The following CCDC88A variants were observed in gnomAD, a reference collection of about 807,000 sequenced individuals.
CCDC88A encodes coiled-coil and HOOK domain protein 88A.
In CCDC88A, 54 loss-of-function variants were observed where a neutral mutation model predicts 234.3. That is an observed-to-expected ratio of 0.23 (90% confidence interval 0.19 to 0.29). The LOEUF (loss-of-function observed/expected upper bound fraction) is 0.29. CCDC88A is among the 10% of genes least tolerant of loss of function. The pLI, the probability that CCDC88A is intolerant of heterozygous loss-of-function variation, is 1.00. For synonymous variants in CCDC88A, 753 were observed against 737.8 expected (o/e 1.02, Z -0.33); for missense variants, 1,832 against 2,123.4 (o/e 0.86, Z 2.70).
At chr2:55,368,314 T>C (rs534887540) in intron 5 of CCDC88A, among the ~76,000 whole-genome samples, 2 of 152,314 alleles carry the variant, frequency 1.3e-5, no homozygotes, top group African/African-American at 4.8e-5. Context: ...TCATAATTTA[T>C]TTTGTCAGGT....
intron 2 of CCDC88A, among the ~76,000 whole-genome samples, chr2:55,392,284 G>GT (rs988727004): frequency 5.3e-5 from 8 of 152,100 alleles, no homozygotes; most frequent in African/African-American, 1.7e-4. Flanking sequence ...TGACTAAATT[G>GT]TTTTTTTCAA....
chr2:55,313,268 A>C (rs1309306850), intron 22 of CCDC88A: 2 of 152,190 alleles, frequency 1.3e-5, no homozygotes, highest in African/African-American at 4.8e-5. Context: ...GGGTTTCTCC[A>C]TGTTGGTCAG....
chr2:55,369,787 C>G (rs1672558055), intron 5 of CCDC88A, among the ~76,000 whole-genome samples: 1 of 152,052 alleles, frequency 6.6e-6, no homozygotes, highest in Admixed American at 6.6e-5. Context: ...CAAATATTAC[C>G]TTGTCAGAGG....
intron 5 of CCDC88A, among the ~76,000 whole-genome samples, chr2:55,369,975 C>T (rs1288426200): frequency 1.3e-5 from 2 of 152,108 alleles, no homozygotes; most frequent in African/African-American, 2.4e-5. Flanking sequence ...TTTACTATAG[C>T]ACCCATAAAC....
rs553865493 is a variant in CCDC88A at position 55,392,627 on chromosome 2, T to C, written c.165-3741A>G. Among the ~76,000 whole-genome samples the C allele has an allele frequency of 1.0e-4, 16 of 152,388 alleles. 1 individual carries two copies. The highest frequency in any genetic ancestry group is 3.1e-4 in the African/African-American group (13 of 41,602). ...ATTTGCTGATAGGTTAATGCTGATA[T>C]GTGAATGCTATCATTTTTTGTTTAC... On this transcript the variant is annotated intron_variant, in intron 2 of 32. Transcript: ENST00000436346.
intron 22 of CCDC88A, chr2:55,312,953 A>T: frequency 5.9e-6 from 1 of 168,500 alleles, no homozygotes; most frequent in Non-Finnish European, 1.3e-5. Flanking sequence ...AGATCTATGA[A>T]ATGAGGATAG....
At chr2:55,363,870 T>A (rs1671627220) in intron 6 of CCDC88A, 80 bp downstream of exon 6, 2 of 692,488 alleles carry the variant, frequency 2.9e-6, no homozygotes, top group Non-Finnish European at 2.4e-6. Context: ...TTCTATGACT[T>A]TGAAGTATTT....
At chr2:55,401,946 ATACTT>A (rs1283245157) in intron 2 of CCDC88A, among the ~76,000 whole-genome samples, 1 of 152,154 alleles carries the variant, frequency 6.6e-6, no homozygotes, top group Non-Finnish European at 1.5e-5. Flanking sequence ...TACTATACAT[ATACTT>A]TACTTTGGTT....
At position 55,334,947 on chromosome 2, in the gene CCDC88A, T is replaced by A; in HGVS notation, c.1874A>T (p.Glu625Val). 1 of 1,559,280 alleles carries A rather than the reference T, an allele frequency of 6.4e-7. No homozygotes were observed. Among genetic ancestry groups the A allele is most frequent in the South Asian group, 1.2e-5 (1 of 84,564 alleles). The stretch of plus-strand genomic sequence containing the variant: ...TTCATTTTCAAGTTCTTCAGCTCGT[T>A]CTCCTTTTTCTTTATAATGTTCCAA... ...KELEHYKEKG[E>V]RAEELENELH... Residue 625 changes from glutamate (E) to valine (V), a missense_variant, in exon 15 of 33, where the codon GAA becomes GTA. By Grantham distance (121) the Glu-to-Val change is moderately radical. Around this residue, in one of 6 missense-constraint regions of CCDC88A, gnomAD observed 1,282 missense variants for 1,543.6 expected, o/e 0.83. Coordinates refer to ENST00000436346, the MANE Select transcript of CCDC88A (RefSeq NM_001365480.1). The surrounding 1 kb of genome is among the most constrained non-coding windows in gnomAD (Gnocchi z 6.1).
intron 2 of CCDC88A, among the ~76,000 whole-genome samples, chr2:55,411,637 G>C (rs1260175250): frequency 6.6e-6 from 1 of 151,876 alleles, no homozygotes; most frequent in Admixed American, 6.6e-5. Context: ...AACTTCACCA[G>C]GCACGGTGGT....
At chr2:55,301,763 T>G in intron 27 of CCDC88A, 109 bp downstream of exon 27, 1 of 878,186 alleles carries the variant, frequency 1.1e-6, no homozygotes, top group Non-Finnish European at 1.8e-6. Flanking sequence ...GATCATGTTT[T>G]GATAATTATT....
In CCDC88A at chr2:55,317,480, G is replaced by A; in HGVS notation, c.3602+84C>T. ...AAATTTCTTATGTAAACTAACATTA[G>A]ATGTGTTTAATATATAAAATTTATT... On this transcript the variant is annotated intron_variant, in intron 20 of 32. Coordinates refer to ENST00000436346, the MANE Select transcript of CCDC88A (RefSeq NM_001365480.1). This position sits in a 1 kb window ranked among gnomAD's most constrained non-coding sequence, Gnocchi z 4.2. The A allele has an allele frequency of 8.8e-7, 1 of 1,135,754 alleles. No homozygotes were observed. The highest frequency in any genetic ancestry group is 2.6e-5 in the Admixed American group (1 of 38,702). 70.4% of individuals were successfully genotyped at this position (1,135,754 alleles called of 1,614,324 possible). A position where few individuals can be genotyped will look rare whatever the true frequency, so the allele number is the denominator to read the frequency against.
chr2:55,371,314 T>C (rs1331334098), intron 5 of CCDC88A, among the ~76,000 whole-genome samples: 1 of 152,150 alleles, frequency 6.6e-6, no homozygotes, highest in Non-Finnish European at 1.5e-5. Context: ...ATAACATATA[T>C]TATGTAAGAT....
At chr2:55,346,050 T>C (rs1324319032) in intron 10 of CCDC88A, 125 bp downstream of exon 10, 25 of 632,606 alleles carry the variant, frequency 4.0e-5, no homozygotes, top group Non-Finnish European at 6.2e-5. Flanking sequence ...AAAATAAACA[T>C]ACCCAAATGT....
chr2:55,390,597 C>T (rs1432134899), intron 2 of CCDC88A, among the ~76,000 whole-genome samples: 1 of 152,156 alleles, frequency 6.6e-6, no homozygotes, highest in Non-Finnish European at 1.5e-5. Context: ...GAAAACTGGA[C>T]AAAGCATGAA....
In CCDC88A at chr2:55,332,538, C is replaced by A; in HGVS notation, c.2855+28G>T. ...AGCAAAAAAAAAAAAAAATTTTCAA[C>A]TGTTTGCCAAGTAGACTTAGTACTC... On this transcript the variant is annotated intron_variant, in intron 16 of 32. Coordinates refer to ENST00000436346, the MANE Select transcript of CCDC88A (RefSeq NM_001365480.1). This position sits in a 1 kb window ranked among gnomAD's most constrained non-coding sequence, Gnocchi z 4.5. The A allele has an allele frequency of 2.5e-6, 4 of 1,569,588 alleles. No individual in the cohort carries two copies. The highest frequency in any genetic ancestry group is 4.6e-5 in the East Asian group (2 of 43,536).
In CCDC88A at chr2:55,384,532, C is replaced by T. The variant is rs13000551; in HGVS notation, c.273+4246G>A. The stretch of plus-strand genomic sequence containing the variant: ...ATTATATATAAATTATATATATATA[C>T]ATATATACGTATATATGTGTATATA... On this transcript the variant is annotated intron_variant, in intron 3 of 32. Coordinates refer to ENST00000436346, the MANE Select transcript of CCDC88A (RefSeq NM_001365480.1). Among the ~76,000 whole-genome samples, 24 of 33,962 alleles carry T rather than the reference C, an allele frequency of 7.1e-4. 6 individuals are homozygous for T. The highest frequency in any genetic ancestry group is 1.1e-3 in the Non-Finnish European group (15 of 13,744). 22.3% of individuals were successfully genotyped at this position (33,962 alleles called of 152,430 possible).
At chr2:55,377,194 C>CAT in intron 3 of CCDC88A, among the ~76,000 whole-genome samples, 1 of 115,020 alleles carries the variant, frequency 8.7e-6, no homozygotes, top group East Asian at 2.5e-4. Context: ...TCACTATAGA[C>CAT]TTTTTTTTTT....
At chr2:55,354,278 C>A (rs1485364524) in intron 8 of CCDC88A, among the ~76,000 whole-genome samples, 1 of 151,148 alleles carries the variant, frequency 6.6e-6, no homozygotes, top group Non-Finnish European at 1.5e-5. Context: ...GTAACTGGGA[C>A]TACCACCACG....
Sources: allele counts gnomAD v4.1 joint callset (sites outside exome capture counted in the v4.1 genomes callset), GRCh38; gene constraint gnomAD v4.1.1; regional missense constraint gnomAD v4.1.1; non-coding constraint Gnocchi (gnomAD v3.1); transcripts MANE v1.5; gene names NCBI Gene and HGNC (gene_info 2026-07-23, HGNC 2026-07-21).